CAPZB: variants seen among roughly 807,000 people sequenced by gnomAD.
The protein encoded by CAPZB is F-actin-capping protein subunit beta.
CAPZB carries 2 observed loss-of-function variants against 38.1 expected under a neutral mutation model. The ratio of observed to expected loss-of-function variants is 0.05; its 90% CI spans 0.02 to 0.17. The LOEUF is 0.17. Among genes scored for constraint, CAPZB ranks in the 10% least tolerant of loss-of-function variants. CAPZB has a pLI of 1.00. For synonymous variants in CAPZB, 107 were observed against 127.4 expected, an observed-to-expected ratio of 0.84 and a Z score of 1.08; for missense variants, 161 against 334.2, an observed-to-expected ratio of 0.48 and a Z score of 4.04.
At chr1:19,464,675 ACGTCCATAC>A (rs1418731637) in intron 1 of CAPZB, among the ~76,000 whole-genome samples, 1 of 152,224 alleles carries the variant, frequency 6.6e-6, no homozygotes, top group African/African-American at 2.4e-5. Flanking sequence ...GCTGAATGGT[ACGTCCATAC>A]CATGGAATAC....
In CAPZB at chr1:19,420,861, GA is replaced by G. The variant is rs575907614; in HGVS notation, c.4-1112del. Among the ~76,000 whole-genome samples, 44 of 152,322 alleles carry G rather than the reference GA, an allele frequency of 2.9e-4. No homozygotes were observed. In the South Asian group the frequency reaches 8.9e-3, roughly 31 times the overall value. On this transcript the variant is annotated intron_variant, in intron 1 of 8. Transcript: ENST00000264202. ...CATATAAAAAATAAATAAATAAAGGGAGGGGGAGAGGAAGGGAACAGAGCGG... is the reference window on the plus strand; with the variant it reads ...CATATAAAAAATAAATAAATAAAGGGGGGGGAGAGGAAGGGAACAGAGCGG...
chr1:19,424,902 C>T (rs960848657), intron 1 of CAPZB, among the ~76,000 whole-genome samples: 6 of 152,358 alleles, frequency 3.9e-5, no homozygotes, highest in African/African-American at 1.2e-4. Flanking sequence ...CTGGGCCAGG[C>T]CCTGAATCCG....
rs1000244632 is a variant in CAPZB at position 19,424,954 on chromosome 1, T to C, written c.4-5204A>G. ...CCAGTCCCAAGCCTCAAGGAACCAA[T>C]TGTCCATAAAACAGCAAATAACCAC... On this transcript the variant is annotated intron_variant, in intron 1 of 8. Coordinates refer to ENST00000264202, the MANE Select transcript of CAPZB (RefSeq NM_004930.5). Among the ~76,000 whole-genome samples the C allele has an allele frequency of 2.0e-5, 3 of 152,202 alleles. No individual in the cohort carries two copies. In the East Asian group the frequency reaches 5.8e-4, roughly 29 times the overall value.
At position 19,339,347 on chromosome 1, in the gene CAPZB, G is replaced by C. The variant is rs1178356722; in HGVS notation, c.*183C>G. 14 of 648,612 alleles carry C rather than the reference G, an allele frequency of 2.2e-5. No individual in the cohort carries two copies. In the Admixed American group the frequency reaches 2.2e-4, roughly 10 times the overall value. 40.2% of individuals were successfully genotyped at this position (648,612 alleles called of 1,614,324 possible). A position where few individuals can be genotyped will look rare whatever the true frequency, so the allele number is the denominator to read the frequency against. Reference sequence around the variant, plus strand: ...AGCGAGGTGTGGCAGAAGCAGGCTCGGAGCCGGAGGAGGGTGGCTATCGGC... The same window carrying C: ...AGCGAGGTGTGGCAGAAGCAGGCTCCGAGCCGGAGGAGGGTGGCTATCGGC... On this transcript the variant is annotated 3_prime_UTR_variant, in exon 9 of 9. Transcript: ENST00000264202.
chr1:19,383,821 C>T (rs963505089), intron 3 of CAPZB, among the ~76,000 whole-genome samples: 1 of 152,120 alleles, frequency 6.6e-6, no homozygotes, highest in African/African-American at 2.4e-5. Context: ...CTCCTCACCT[C>T]AATCAACAGT....
At chr1:19,485,015 G>C (rs1422648575) in intron 1 of CAPZB, among the ~76,000 whole-genome samples, 1 of 152,120 alleles carries the variant, frequency 6.6e-6, no homozygotes, top group East Asian at 1.9e-4. Context: ...CCATGGCAGG[G>C]AGAAACGACG....
intron 1 of CAPZB, among the ~76,000 whole-genome samples, chr1:19,440,578 G>C (rs564580999): frequency 6.6e-6 from 1 of 152,154 alleles, no homozygotes; most frequent in African/African-American, 2.4e-5. Context: ...GATGTTGCTA[G>C]GTGTTTGGTT....
rs139616559 is a variant in CAPZB at position 19,417,288 on chromosome 1, C to T, written c.93+2373G>A. On this transcript the variant is annotated intron_variant, in intron 2 of 8. Transcript: ENST00000264202. ...AAGGGTCCAATGAGAAAAATTTGCT[C>T]ATCATTTCCTACTTCTATGTTTGGC... Among the ~76,000 whole-genome samples, 211 of 152,300 alleles carry T rather than the reference C, an allele frequency of 1.4e-3. 2 individuals are homozygous for T. The East Asian group carries it at 0.031, about 23-fold the overall frequency.
chr1:19,463,992 T>C (rs1309330560), intron 1 of CAPZB, among the ~76,000 whole-genome samples: 4 of 144,898 alleles, frequency 2.8e-5, no homozygotes. Flanking sequence ...CGGGCCAACA[T>C]GGTGAACCCC....
rs534787659 is a variant in CAPZB at position 19,367,397 on chromosome 1, C to T, written c.330-9834G>A. On this transcript the variant is annotated intron_variant, in intron 4 of 8. Transcript: ENST00000264202. ...TGAACAGAGGGGAGGAGAAGGCAAC[C>T]TCGACGTGTTGTGAGCTGCCCTGGA... Among the ~76,000 whole-genome samples the T allele has an allele frequency of 4.3e-4, 65 of 152,352 alleles. No individual in the cohort carries two copies. The South Asian group carries it at 0.013, about 31-fold the overall frequency.
At chr1:19,342,718 G>A (rs769196283) in intron 8 of CAPZB, 4 of 1,366,364 alleles carry the variant, frequency 2.9e-6, no homozygotes, top group East Asian at 2.3e-5. Context: ...TCCTGTTTTA[G>A]TGGGGAGGGT....
At chr1:19,472,197 T>C (rs1355928794) in intron 1 of CAPZB, among the ~76,000 whole-genome samples, 2 of 152,192 alleles carry the variant, frequency 1.3e-5, no homozygotes, top group Non-Finnish European at 2.9e-5. Context: ...CCCAGGAATA[T>C]TACCTAGTGC....
intron 1 of CAPZB, among the ~76,000 whole-genome samples, chr1:19,449,683 G>A (rs976458315): frequency 6.6e-6 from 1 of 151,582 alleles, no homozygotes; most frequent in Non-Finnish European, 1.5e-5. Flanking sequence ...TACTTGAGAG[G>A]CTGAGGCATG....
intron 1 of CAPZB, among the ~76,000 whole-genome samples, chr1:19,436,783 T>G (rs1261931130): frequency 6.6e-6 from 1 of 152,222 alleles, no homozygotes; most frequent in Non-Finnish European, 1.5e-5. Flanking sequence ...GCTCCATAAA[T>G]TCTACATGTT....
intron 1 of CAPZB, among the ~76,000 whole-genome samples, chr1:19,457,888 C>T (rs2094537913): frequency 6.6e-6 from 1 of 152,058 alleles, no homozygotes; most frequent in Admixed American, 6.6e-5. Context: ...TGGAAAAAAC[C>T]TAAAGGGCAA....
chr1:19,400,766 A>G (rs1236541613), intron 2 of CAPZB, among the ~76,000 whole-genome samples: 2 of 152,178 alleles, frequency 1.3e-5, no homozygotes, highest in Admixed American at 6.5e-5. Flanking sequence ...ATCTTGTAGG[A>G]AAAAAAATCC....
At chr1:19,420,296 C>T (rs1224114791) in intron 1 of CAPZB, among the ~76,000 whole-genome samples, 1 of 152,208 alleles carries the variant, frequency 6.6e-6, no homozygotes, top group Non-Finnish European at 1.5e-5. Flanking sequence ...CTGAACCACA[C>T]TACAGTCAAG....
chr1:19,456,433 C>A lies in CAPZB; in HGVS notation c.3+29003G>T, dbSNP rs143412826. Among the ~76,000 whole-genome samples, 1,228 of 152,308 alleles carry A rather than the reference C, an allele frequency of 8.1e-3. 9 individuals carry two copies. Among genetic ancestry groups the A allele is most frequent in the African/African-American group, 0.027 (1,122 of 41,564 alleles). ...AAAAAAATAAATCCCACAAGATAAT[C>A]TCTGGTTTCACACAGAGACTGGTAT... On this transcript the variant is annotated intron_variant, in intron 1 of 8. Coordinates refer to ENST00000264202, the MANE Select transcript of CAPZB (RefSeq NM_004930.5).
At chr1:19,445,598 G>T (rs1477458743) in intron 1 of CAPZB, among the ~76,000 whole-genome samples, 2 of 151,732 alleles carry the variant, frequency 1.3e-5, no homozygotes, top group Non-Finnish European at 2.9e-5. Flanking sequence ...TTTCCAACAG[G>T]GATTACTTTT....
Sources: gnomAD v4.1 joint callset for allele counts (sites outside exome capture counted in the v4.1 genomes callset) on GRCh38, gnomAD v4.1.1 for gene constraint, MANE v1.5 for transcripts, NCBI Gene and HGNC (gene_info 2026-07-23, HGNC 2026-07-21) for gene names.